The following ADARB2 variants were observed in gnomAD, a reference collection of about 807,000 sequenced individuals.
ADARB2 encodes the protein inactive double-stranded RNA-specific editase B2.
Under a neutral mutation model 62.2 loss-of-function variants are expected in ADARB2, and 25 were observed. That is an observed-to-expected ratio of 0.40 (90% CI 0.29 to 0.56). The LOEUF is 0.56. Ranked by LOEUF, ADARB2 falls within the 20% of genes least tolerant of loss-of-function variation. The pLI, the probability that ADARB2 is intolerant of heterozygous loss-of-function variation, is 0.43. For missense variants in ADARB2, 1,071 were observed against 1,077.4 expected (o/e 0.99, Z 0.08); for synonymous variants, 572 against 500.8 (o/e 1.14, Z -1.90).
chr10:1,205,784 G>A (rs1253048408), intron 7 of ADARB2, among the ~76,000 whole-genome samples: 1 of 152,256 alleles, frequency 6.6e-6, no homozygotes, highest in Non-Finnish European at 1.5e-5. Flanking sequence ...GTTCTGCGTG[G>A]TGGCCGGGAT....
intron 3 of ADARB2, among the ~76,000 whole-genome samples, chr10:1,329,209 A>G (rs1831905339): frequency 6.6e-6 from 1 of 152,220 alleles, no homozygotes. Flanking sequence ...AGCTGTCTGC[A>G]TTCTGTGCCT....
chr10:1,733,516 A>G (rs889873921), intron 1 of ADARB2, among the ~76,000 whole-genome samples: 3 of 152,104 alleles, frequency 2.0e-5, no homozygotes, highest in African/African-American at 7.2e-5. Flanking sequence ...CATACATACT[A>G]CCCTGAAGTT....
chr10:1,711,737 T>C (rs1834950884), intron 1 of ADARB2, among the ~76,000 whole-genome samples: 1 of 152,184 alleles, frequency 6.6e-6, no homozygotes, highest in Non-Finnish European at 1.5e-5. Flanking sequence ...CTCTTTCCCA[T>C]GAAAATAAGT....
At chr10:1,474,754 G>C (rs897566694) in intron 1 of ADARB2, among the ~76,000 whole-genome samples, 3 of 152,144 alleles carry the variant, frequency 2.0e-5, no homozygotes, top group African/African-American at 7.2e-5. Context: ...CGACTGGGTG[G>C]GGCATCCAAG....
intron 1 of ADARB2, among the ~76,000 whole-genome samples, chr10:1,618,738 G>A (rs1833672964): frequency 1.3e-5 from 2 of 152,110 alleles, no homozygotes; most frequent in South Asian, 2.1e-4. Flanking sequence ...CGTGGTAATC[G>A]ACAGTTTCTC....
intron 1 of ADARB2, among the ~76,000 whole-genome samples, chr10:1,531,559 A>G (rs12220558): frequency 0.57 from 86,205 of 152,104 alleles, 25,115 homozygotes; most frequent in East Asian, 0.76. Context: ...TGCTCTAGAG[A>G]CTGGGTGCGG....
chr10:1,463,444 C>T (rs1160879590), intron 1 of ADARB2, among the ~76,000 whole-genome samples: 6 of 152,200 alleles, frequency 3.9e-5, no homozygotes. Context: ...GTAGAAGAGG[C>T]AGCAGGTTTG....
In ADARB2 at chr10:1,675,116, G is replaced by T. The variant is rs116488199; in HGVS notation, c.100+61935C>A. 10 of 958,268 alleles carry T rather than the reference G, an allele frequency of 1.0e-5. No homozygotes were observed. In the African/African-American group the frequency reaches 1.6e-4, roughly 16 times the overall value. 59.4% of individuals were successfully genotyped at this position (958,268 alleles called of 1,614,324 possible). The stretch of plus-strand genomic sequence containing the variant: ...TGGATGTTCTGGAGGTTTGGGTTGC[G>T]GGGTACATGGATGTTCTGGAGGTTT... On this transcript the variant is annotated intron_variant, in intron 1 of 9. Coordinates refer to ENST00000381312, the MANE Select transcript of ADARB2 (RefSeq NM_018702.4).
At chr10:1,329,894 G>T (rs1831912121) in intron 3 of ADARB2, among the ~76,000 whole-genome samples, 1 of 150,256 alleles carries the variant, frequency 6.7e-6, no homozygotes. Flanking sequence ...GTGAATCAGG[G>T]CCTCAGAACT....
intron 1 of ADARB2, among the ~76,000 whole-genome samples, chr10:1,588,939 C>A (rs1407492245): frequency 2.0e-5 from 3 of 152,182 alleles, no homozygotes; most frequent in Non-Finnish European, 4.4e-5. Context: ...CTATCCAGCC[C>A]AGAACCACAG....
At chr10:1,587,669 A>AT (rs375460372) in intron 1 of ADARB2, among the ~76,000 whole-genome samples, 8 of 151,970 alleles carry the variant, frequency 5.3e-5, no homozygotes, top group African/African-American at 1.9e-4. Context: ...CAAGCATTTT[A>AT]TTTTTTTCTG....
intron 1 of ADARB2, among the ~76,000 whole-genome samples, chr10:1,443,158 CTAAG>C (rs1362256853): frequency 6.6e-6 from 1 of 152,180 alleles, no homozygotes; most frequent in Non-Finnish European, 1.5e-5. Context: ...AATTTTTCCT[CTAAG>C]TAGGCATAGG....
chr10:1,517,514 T>C (rs1316264001), intron 1 of ADARB2, among the ~76,000 whole-genome samples: 4 of 152,172 alleles, frequency 2.6e-5, no homozygotes, highest in Non-Finnish European at 5.9e-5. Flanking sequence ...GAAAACTTGC[T>C]CTCTTTCGTA....
chr10:1,203,114 T>C (rs1394356807), intron 7 of ADARB2, among the ~76,000 whole-genome samples: 1 of 152,158 alleles, frequency 6.6e-6, no homozygotes. Context: ...CTCCTTTTGT[T>C]CAAACAGCTG....
intron 1 of ADARB2, among the ~76,000 whole-genome samples, chr10:1,633,549 C>CATCTATCTATCTATCTATCTATCT (rs57536419): frequency 3.9e-5 from 4 of 101,610 alleles, no homozygotes; most frequent in African/African-American, 6.3e-5. Context: ...GTCTATCTAT[C>CATCTATCTATCTATCTATCTATCT]ATCTATCTAT....
chr10:1,463,191 C>T (rs779199862), intron 1 of ADARB2, among the ~76,000 whole-genome samples: 13 of 152,080 alleles, frequency 8.5e-5, no homozygotes, highest in African/African-American at 1.2e-4. Flanking sequence ...AGTCAGCCCA[C>T]GGTGCCTGGG....
chr10:1,192,745 C>G, intron 8 of ADARB2, among the ~76,000 whole-genome samples: 2 of 152,124 alleles, frequency 1.3e-5, no homozygotes, highest in East Asian at 3.9e-4. Flanking sequence ...GCCATGACCA[C>G]CCTGGCTAAC....
At position 1,704,348 on chromosome 10, in the gene ADARB2, C is replaced by T. The variant is rs545149496; in HGVS notation, c.100+32703G>A. 5.0e-4 allele frequency among the ~76,000 whole-genome samples: 76 copies of T among 152,324 alleles called. 1 individual carries two copies. Among genetic ancestry groups the T allele is most frequent in the Admixed American group, 7.2e-4 (11 of 15,308 alleles). On this transcript the variant is annotated intron_variant, in intron 1 of 9. Transcript: ENST00000381312. This position sits in a 1 kb window ranked among gnomAD's most constrained non-coding sequence, Gnocchi z 5.6. The stretch of plus-strand genomic sequence containing the variant: ...GTCCTGAGCTTGTTTTCCTGCAACT[C>T]GATGGCCCCACCTGGGGATGATGGG...
intron 3 of ADARB2, among the ~76,000 whole-genome samples, chr10:1,280,984 T>A (rs1053277442): frequency 8.5e-5 from 13 of 152,196 alleles, no homozygotes; most frequent in Non-Finnish European, 1.3e-4. Context: ...GGGCCGTGGG[T>A]TACGGCAACA....
Sources: gnomAD v4.1 joint callset for allele counts (sites outside exome capture counted in the v4.1 genomes callset) on GRCh38, gnomAD v4.1.1 for gene constraint, Gnocchi (gnomAD v3.1) non-coding constraint, MANE v1.5 for transcripts, NCBI Gene and HGNC (gene_info 2026-07-23, HGNC 2026-07-21) for gene names.